FANK1: variants seen among roughly 807,000 people sequenced by gnomAD.
FANK1 encodes fibronectin type 3 and ankyrin repeat domains protein 1.
Under a neutral mutation model 45.3 loss-of-function variants are expected in FANK1, and 44 were observed. That is an observed-to-expected ratio of 0.97 (90% CI 0.76 to 1.25). The LOEUF (loss-of-function observed/expected upper bound fraction) is 1.25, where lower values mean the gene tolerates loss of function less well. FANK1 is among the 50% of genes most tolerant of loss of function. The pLI is 0.00. For missense variants in FANK1, 391 were observed against 424.4 expected (o/e 0.92, Z 0.69); for synonymous variants, 149 against 152.5 (o/e 0.98, Z 0.17).
chr10:125,928,534 TAGG>T (rs2134138857), intron 1 of FANK1, among the ~76,000 whole-genome samples: 2 of 152,316 alleles, frequency 1.3e-5, no homozygotes, highest in African/African-American at 4.8e-5. Context: ...TGCAGCCCAG[TAGG>T]TCTCAGCCTT....
chr10:125,913,792 G>C (rs1946227877), intron 1 of FANK1, among the ~76,000 whole-genome samples: 1 of 152,118 alleles, frequency 6.6e-6, no homozygotes, highest in Non-Finnish European at 1.5e-5. Context: ...ACCTTGCAGG[G>C]GTCTTGTGAA....
At chr10:125,912,314 G>A (rs1307809139) in intron 1 of FANK1, among the ~76,000 whole-genome samples, 1 of 152,182 alleles carries the variant, frequency 6.6e-6, no homozygotes, top group East Asian at 1.9e-4. Context: ...CTTTTCCAGT[G>A]AAGAGTGAAA....
At position 125,970,248 on chromosome 10, in the gene FANK1, G is replaced by A. The variant is rs534552242; in HGVS notation, c.14-9913G>A. 6.1e-3 allele frequency among the ~76,000 whole-genome samples: 931 copies of A among 151,690 alleles called. 11 individuals are homozygous for A. The highest frequency in any genetic ancestry group is 0.021 in the African/African-American group (884 of 41,380). On this transcript the variant is annotated intron_variant, in intron 1 of 10. Coordinates refer to ENST00000368693, the MANE Select transcript of FANK1 (RefSeq NM_145235.5). Reference sequence around the variant, plus strand: ...CCCCAGAGGGGGCGGCCAGGCAGAGGCGCCCCTGCCTTCCAGATGGGGCGG... The same window carrying A: ...CCCCAGAGGGGGCGGCCAGGCAGAGACGCCCCTGCCTTCCAGATGGGGCGG...
At chr10:125,977,373 T>G (rs1950917733) in intron 1 of FANK1, among the ~76,000 whole-genome samples, 2 of 152,202 alleles carry the variant, frequency 1.3e-5, no homozygotes. Context: ...GTTTTTGGTA[T>G]TGAAGCTTTG....
chr10:125,909,851 T>G (rs1945849365), intron 1 of FANK1, among the ~76,000 whole-genome samples: 1 of 151,880 alleles, frequency 6.6e-6, no homozygotes. Context: ...AGTACTTTGT[T>G]TTGTTTTCAA....
chr10:125,974,213 A>G (rs113701368), intron 1 of FANK1, among the ~76,000 whole-genome samples: 4,554 of 152,258 alleles, frequency 0.03, 201 homozygotes, highest in African/African-American at 0.098. Context: ...GCCTCCTAGC[A>G]TATCTCTGGG....
At position 126,004,817 on chromosome 10, in the gene FANK1, G is replaced by T. The variant is rs1326015811; in HGVS notation, c.540-67G>T. ...GATTTCTTGGTTTAAGCCAGGTAGG[G>T]TAAAAGGTGGAGCTGAGTTTGGTGA... On this transcript the variant is annotated intron_variant, in intron 6 of 10. Transcript: ENST00000368693. 4 of 1,556,666 alleles carry T rather than the reference G, an allele frequency of 2.6e-6. No individual in the cohort carries two copies. In the African/African-American group the frequency reaches 4.1e-5, roughly 16 times the overall value.
At chr10:125,945,889 C>T (rs371479715) in intron 1 of FANK1, among the ~76,000 whole-genome samples, 7 of 152,204 alleles carry the variant, frequency 4.6e-5, no homozygotes, top group South Asian at 2.1e-4. Context: ...TCTCCCAGCA[C>T]GCAGCTGGAG....
rs138077693 is a variant in FANK1, at chr10:125,918,297, C to T, written c.13+21642C>T. Among the ~76,000 whole-genome samples, 758 of 151,898 alleles carry T rather than the reference C, an allele frequency of 5.0e-3. 4 individuals carry two copies. Among genetic ancestry groups the T allele is most frequent in the African/African-American group, 0.018 (734 of 41,422 alleles). On this transcript the variant is annotated intron_variant, in intron 1 of 10. Coordinates refer to ENST00000368693, the MANE Select transcript of FANK1 (RefSeq NM_145235.5). ...ATCGGGCTGGGCACAGTGGCTCACG[C>T]CTGTAATCCTAGCACTTTGGGAGGC... is the stretch of plus-strand genomic sequence containing the variant.
In FANK1 at chr10:125,997,487, T is replaced by A. The variant is rs1478459926; in HGVS notation, c.539+2T>A. On this transcript the variant is annotated splice_donor_variant, in intron 6 of 10. Coordinates refer to ENST00000368693, the MANE Select transcript of FANK1 (RefSeq NM_145235.5). LOFTEE classifies it high-confidence loss of function. ...GAAGAATGGAAGTGGCAAGGACAGG[T>A]AGGAGGTGGGATATGACTGAAATTG... The A allele has an allele frequency of 6.2e-7, 1 of 1,613,028 alleles. No individual in the cohort carries two copies. The highest frequency in any genetic ancestry group is 8.5e-7 in the Non-Finnish European group (1 of 1,179,508).
At chr10:125,925,000 G>C (rs1947245274) in intron 1 of FANK1, among the ~76,000 whole-genome samples, 1 of 152,068 alleles carries the variant, frequency 6.6e-6, no homozygotes, top group African/African-American at 2.4e-5. Context: ...CACTTTCTTA[G>C]AAATTTGTTA....
rs1046535087 is a variant in FANK1, at chr10:125,948,771, G to A, written c.14-31390G>A. Among the ~76,000 whole-genome samples, 7 of 151,152 alleles carry A rather than the reference G, an allele frequency of 4.6e-5. No individual in the cohort carries two copies. The South Asian group carries it at 8.4e-4, about 18-fold the overall frequency. On this transcript the variant is annotated intron_variant, in intron 1 of 10. Transcript: ENST00000368693. Reference sequence around the variant, plus strand: ...GAATCCTCCCTAACTCATTTTATGAGGCCAGCATCATTCTGATACCAAAGC... The same window carrying A: ...GAATCCTCCCTAACTCATTTTATGAAGCCAGCATCATTCTGATACCAAAGC...
intron 1 of FANK1, among the ~76,000 whole-genome samples, chr10:125,913,126 A>G (rs1483879957): frequency 6.6e-6 from 1 of 152,198 alleles, no homozygotes; most frequent in Non-Finnish European, 1.5e-5. Flanking sequence ...CTTTTAAGGG[A>G]ATCTTGTGGC....
rs756875388 is a variant in FANK1, at chr10:125,983,164, G to C, written c.191+2826G>C. Among the ~76,000 whole-genome samples the C allele has an allele frequency of 6.6e-6, 1 of 151,548 alleles. No homozygotes were observed. Among genetic ancestry groups the C allele is most frequent in the Non-Finnish European group, 1.5e-5 (1 of 68,026 alleles). The stretch of plus-strand genomic sequence containing the variant: ...ATGCCTTGACGTTTTCTGCATGTGT[G>C]TTCAGTTGTTTTCCCTGTTTGGACA... On this transcript the variant is annotated intron_variant, in intron 2 of 10. Coordinates refer to ENST00000368693, the MANE Select transcript of FANK1 (RefSeq NM_145235.5). The surrounding 1 kb of genome is among the most constrained non-coding windows in gnomAD (Gnocchi z 4.3).
rs1284866967 is a variant in FANK1, at chr10:125,951,077, ACT to A, written c.14-29081_14-29080del. The stretch of plus-strand genomic sequence containing the variant: ...ATGGACACAGGAAGGGGAATATCAC[ACT>A]CTGGGGACTGTGGTGGGGTGGGGGG... On this transcript the variant is annotated intron_variant, in intron 1 of 10. Coordinates refer to ENST00000368693, the MANE Select transcript of FANK1 (RefSeq NM_145235.5). 3.2e-4 allele frequency among the ~76,000 whole-genome samples: 37 copies of A among 113,878 alleles called. No individual in the cohort carries two copies. The East Asian group carries it at 7.5e-3, about 23-fold the overall frequency. 74.7% of individuals were successfully genotyped at this position (113,878 alleles called of 152,430 possible).
chr10:125,918,566 A>AG (rs1946650406), intron 1 of FANK1, among the ~76,000 whole-genome samples: 1 of 121,164 alleles, frequency 8.3e-6, no homozygotes, highest in African/African-American at 3.5e-5. Context: ...CAAAAAAAAA[A>AG]AAAAAAAAAA....
At chr10:125,956,946 C>T (rs1949616790) in intron 1 of FANK1, among the ~76,000 whole-genome samples, 1 of 152,154 alleles carries the variant, frequency 6.6e-6, no homozygotes, top group African/African-American at 2.4e-5. Flanking sequence ...CATCACCCTC[C>T]CGGGTTCAAG....
chr10:125,997,613 G>T, intron 6 of FANK1, 128 bp downstream of exon 6: 1 of 787,596 alleles, frequency 1.3e-6, no homozygotes. Flanking sequence ...AGGTGAGTGG[G>T]TCGCTGAGGA....
At chr10:125,912,058 A>G (rs1426968663) in intron 1 of FANK1, among the ~76,000 whole-genome samples, 1 of 152,244 alleles carries the variant, frequency 6.6e-6, no homozygotes, top group African/African-American at 2.4e-5. Flanking sequence ...ACTAGTGAAG[A>G]CTGAAGAAGT....
Sources: allele counts gnomAD v4.1 joint callset (sites outside exome capture counted in the v4.1 genomes callset), GRCh38; gene constraint gnomAD v4.1.1; non-coding constraint Gnocchi (gnomAD v3.1); transcripts MANE v1.5; gene names NCBI Gene and HGNC (gene_info 2026-07-23, HGNC 2026-07-21).